Variants in PLEKHO2 observed in about 807,000 individuals in gnomAD.
PLEKHO2 encodes the protein pleckstrin homology domain-containing family O member 2.
PLEKHO2 carries 20 observed loss-of-function variants against 32.7 expected under a neutral mutation model. The observed-to-expected ratio is 0.61, with a 90% confidence interval of 0.43 to 0.89. The LOEUF (loss-of-function observed/expected upper bound fraction) is 0.89. PLEKHO2 is among the 40% of genes least tolerant of loss of function. The pLI is 0.00. For missense variants in PLEKHO2, 568 were observed against 621.2 expected (o/e 0.91, Z 0.91); for synonymous variants, 247 against 246.3 (o/e 1.00, Z -0.03).
chr15:64,852,960 C>T (rs909376798), intron 2 of PLEKHO2, among the ~76,000 whole-genome samples: 3 of 151,384 alleles, frequency 2.0e-5, no homozygotes, highest in Non-Finnish European at 4.4e-5. Flanking sequence ...CCAGCCTGGC[C>T]AACATGGTGA....
chr15:64,862,998 G>C (rs995751729), intron 5 of PLEKHO2, among the ~76,000 whole-genome samples: 2 of 148,498 alleles, frequency 1.3e-5, no homozygotes, highest in African/African-American at 2.5e-5. Flanking sequence ...GGAGTGCAGG[G>C]TGCAATCTCA....
At chr15:64,850,289 C>T (rs548604554) in intron 2 of PLEKHO2, among the ~76,000 whole-genome samples, 9 of 152,144 alleles carry the variant, frequency 5.9e-5, no homozygotes, top group Non-Finnish European at 1.0e-4. Flanking sequence ...GAAGAGGATA[C>T]TGAGGCTCAG....
intron 3 of PLEKHO2, among the ~76,000 whole-genome samples, chr15:64,856,085 TA>T (rs2084604741): frequency 6.6e-6 from 1 of 151,834 alleles, no homozygotes; most frequent in Non-Finnish European, 1.5e-5. Context: ...TAGCGGCTGG[TA>T]TAATTATAGT....
At chr15:64,849,733 G>A (rs1227924823) in intron 2 of PLEKHO2, among the ~76,000 whole-genome samples, 8 of 150,326 alleles carry the variant, frequency 5.3e-5, no homozygotes, top group South Asian at 2.1e-4. Context: ...GTGAGCCTGC[G>A]TGCCCAGCGG....
At chr15:64,864,726 G>T (rs1164366289) in intron 5 of PLEKHO2, among the ~76,000 whole-genome samples, 173 bp from the exon 6 acceptor site, 1 of 152,200 alleles carries the variant, frequency 6.6e-6, no homozygotes, top group Non-Finnish European at 1.5e-5. Flanking sequence ...GATTCATCAA[G>T]AAATCACTTT....
At chr15:64,856,306 T>G (rs571925298) in intron 3 of PLEKHO2, among the ~76,000 whole-genome samples, 5 of 152,278 alleles carry the variant, frequency 3.3e-5, no homozygotes, top group African/African-American at 9.6e-5. Context: ...TGTGAAGATC[T>G]GCCACCTGTG....
chr15:64,864,333 G>A (rs1260132569), intron 5 of PLEKHO2, among the ~76,000 whole-genome samples: 1 of 152,164 alleles, frequency 6.6e-6, no homozygotes, highest in East Asian at 1.9e-4. Context: ...CAAGCAGCTG[G>A]ACAGGCAAAA....
At chr15:64,852,608 C>T (rs72733245) in intron 2 of PLEKHO2, among the ~76,000 whole-genome samples, 2,749 of 151,962 alleles carry the variant, frequency 0.018, 57 homozygotes, top group South Asian at 0.03. Flanking sequence ...CTGAGAACCT[C>T]TGGTGTAGAG....
At chr15:64,854,794 C>T in intron 2 of PLEKHO2, 127 bp from the exon 3 acceptor site, 1 of 695,796 alleles carries the variant, frequency 1.4e-6, no homozygotes, top group Non-Finnish European at 2.6e-6. Context: ...TGATTGGCAG[C>T]CTGAGGTCCT....
At position 64,861,221 on chromosome 15, in the gene PLEKHO2, C is replaced by T. The variant is rs530873160; in HGVS notation, c.385-256C>T. On this transcript the variant is annotated intron_variant, in intron 4 of 5. Coordinates refer to ENST00000323544, the MANE Select transcript of PLEKHO2 (RefSeq NM_025201.5). ...GGGCTGCTTATATATTTGTGATATACTCAGGGGCAAGGGCCGATGGCCCAT... is the reference window on the plus strand; with the variant it reads ...GGGCTGCTTATATATTTGTGATATATTCAGGGGCAAGGGCCGATGGCCCAT... Among the ~76,000 whole-genome samples, 8 of 152,380 alleles carry T rather than the reference C, an allele frequency of 5.3e-5. No homozygotes were observed. In the South Asian group the frequency reaches 1.7e-3, roughly 32 times the overall value.
At chr15:64,859,605 C>A (rs2084629316) in intron 3 of PLEKHO2, among the ~76,000 whole-genome samples, 1 of 152,198 alleles carries the variant, frequency 6.6e-6, no homozygotes, top group Non-Finnish European at 1.5e-5. Flanking sequence ...TAAACGGAAG[C>A]CCAGAGCCCA....
intron 2 of PLEKHO2, among the ~76,000 whole-genome samples, chr15:64,853,391 C>T (rs755185047): frequency 6.6e-6 from 1 of 151,442 alleles, no homozygotes; most frequent in Non-Finnish European, 1.5e-5. Context: ...ATTCTTCTGC[C>T]TCAGCCTCCC....
chr15:64,860,701 A>G (rs987305050), intron 4 of PLEKHO2, among the ~76,000 whole-genome samples: 4 of 152,172 alleles, frequency 2.6e-5, no homozygotes, highest in African/African-American at 9.7e-5. Context: ...CATAGCTCCT[A>G]TGTCGTGTCC....
At chr15:64,849,777 C>T (rs1457598088) in intron 2 of PLEKHO2, among the ~76,000 whole-genome samples, 1 of 148,438 alleles carries the variant, frequency 6.7e-6, no homozygotes, top group Non-Finnish European at 1.5e-5. Context: ...ATCTAGTGTG[C>T]AAGTCTTTTC....
At chr15:64,853,912 C>CT (rs897869562) in intron 2 of PLEKHO2, among the ~76,000 whole-genome samples, 1 of 152,204 alleles carries the variant, frequency 6.6e-6, no homozygotes, top group Non-Finnish European at 1.5e-5. Context: ...GAAGTGCTCA[C>CT]TAAGTGTCAG....
chr15:64,865,721 GC>G lies in PLEKHO2; in HGVS notation c.1310del (p.Pro437LeufsTer15). On this transcript the variant is annotated frameshift_variant, in exon 6 of 6. Transcript: ENST00000323544. LOFTEE classifies it high-confidence loss of function. The stretch of plus-strand genomic sequence containing the variant: ...GAACAAGGTGCTGGGCAGTGAGCCG[GC>G]CCCTGTTAGTGCCGAAACATTGCTC... ...LLNKVLGSEP[A>X]PVSAETLLSQ... 1 of 1,614,212 alleles carries G rather than the reference GC, an allele frequency of 6.2e-7. No individual in the cohort carries two copies. Among genetic ancestry groups the G allele is most frequent in the East Asian group, 2.2e-5 (1 of 44,884 alleles).
In PLEKHO2 at chr15:64,859,260, A is replaced by G. The variant is rs190539729; in HGVS notation, c.280-634A>G. ...GTACAAATTGGATACATCATTTTAA[A>G]AATGATCTTCATGGCTCCATGAGGC... On this transcript the variant is annotated intron_variant, in intron 3 of 5. Coordinates refer to ENST00000323544, the MANE Select transcript of PLEKHO2 (RefSeq NM_025201.5). Among the ~76,000 whole-genome samples the G allele has an allele frequency of 3.9e-5, 6 of 152,318 alleles. No individual in the cohort carries two copies. The East Asian group carries it at 1.2e-3, about 29-fold the overall frequency.
rs2084487495 is a variant in PLEKHO2 at position 64,842,026 on chromosome 15, G to C, written c.10G>C (p.Glu4Gln). The C allele has an allele frequency of 3.2e-6, 4 of 1,242,694 alleles. No individual in the cohort carries two copies. The South Asian group carries it at 1.4e-4, about 44-fold the overall frequency. 77.0% of individuals were successfully genotyped at this position (1,242,694 alleles called of 1,614,324 possible). The change falls in exon 1 of 6, where the codon GAG (glutamate) becomes CAG (glutamine). Residue 4 changes from glutamate (E) to glutamine (Q), a missense_variant and splice_region_variant. Coordinates refer to ENST00000323544, the MANE Select transcript of PLEKHO2 (RefSeq NM_025201.5). Reference sequence around the variant, plus strand: ...CCTCGGCGGACTCGCCATGGAGGAGGAGGTGAGGGCGGGGCCCGGCGGGGC... The same window carrying C: ...CCTCGGCGGACTCGCCATGGAGGAGCAGGTGAGGGCGGGGCCCGGCGGGGC... The part of the protein sequence containing the change: MEE[E>Q]GVKEAGEKPR...
At chr15:64,860,088 G>C in intron 4 of PLEKHO2, 90 bp downstream of exon 4, 2 of 1,125,086 alleles carry the variant, frequency 1.8e-6, no homozygotes, top group Non-Finnish European at 2.7e-6. Flanking sequence ...CCTTACCCCA[G>C]ACTACCCCTT....
Sources: allele counts gnomAD v4.1 joint callset (sites outside exome capture counted in the v4.1 genomes callset), GRCh38; gene constraint gnomAD v4.1.1; transcripts MANE v1.5; gene names NCBI Gene and HGNC (gene_info 2026-07-23, HGNC 2026-07-21).